Variants in NELL2 observed in about 807,000 individuals in gnomAD.
NELL2 encodes protein kinase C-binding protein NELL2.
A neutral mutation model predicts 109.6 loss-of-function variants in NELL2; 41 were observed. The ratio of observed to expected loss-of-function variants is 0.37; its 90% confidence interval spans 0.29 to 0.49. The LOEUF (loss-of-function observed/expected upper bound fraction) is 0.49, where lower values mean the gene tolerates loss of function less well. NELL2 is among the 20% of genes least tolerant of loss of function. NELL2 has a pLI of 0.98. For missense variants in NELL2, 900 were observed against 1,008.3 expected, an observed-to-expected ratio of 0.89 and a Z score of 1.45; for synonymous variants, 355 against 344.7, an observed-to-expected ratio of 1.03 and a Z score of -0.33.
At chr12:44,646,670 C>T (rs1947106651) in intron 13 of NELL2, among the ~76,000 whole-genome samples, 2 of 152,190 alleles carry the variant, frequency 1.3e-5, no homozygotes, top group South Asian at 4.1e-4. Context: ...CCATGGAAAG[C>T]GAAACTGTAG....
intron 14 of NELL2, among the ~76,000 whole-genome samples, chr12:44,610,316 T>C (rs1359013590): frequency 6.8e-6 from 1 of 147,788 alleles, no homozygotes; most frequent in Non-Finnish European, 1.5e-5. Context: ...GCATAACAAA[T>C]AGGTTGACAA....
At chr12:44,907,525 A>G (rs975021414) in intron 1 of NELL2, among the ~76,000 whole-genome samples, 3 of 152,080 alleles carry the variant, frequency 2.0e-5, no homozygotes, top group African/African-American at 7.2e-5. Flanking sequence ...GGCCAGAAAT[A>G]TTTCAGTTGA....
chr12:44,903,559 A>T (rs553551525), intron 1 of NELL2, among the ~76,000 whole-genome samples: 1 of 152,308 alleles, frequency 6.6e-6, no homozygotes, highest in South Asian at 2.1e-4. Flanking sequence ...AAGGATTATA[A>T]ATCATTCTAC....
rs904689687 is a variant in NELL2, at chr12:44,617,483, C to T, written c.1445-6513G>A. Among the ~76,000 whole-genome samples the T allele has an allele frequency of 3.6e-4, 51 of 140,716 alleles. 6 individuals carry two copies. Among genetic ancestry groups the T allele is most frequent in the Non-Finnish European group, 5.9e-4 (39 of 66,502 alleles). The allele number at this position is 140,716 out of a possible 152,430, so 92.3% of individuals were successfully genotyped here. ...CGGGCGGATCACGAGGTCAGGAGAT[C>T]GAGACCATCCTGGCTAAAACGGTGA... On this transcript the variant is annotated intron_variant, in intron 13 of 19. Coordinates refer to ENST00000429094, the MANE Select transcript of NELL2 (RefSeq NM_001145108.2).
At chr12:44,609,022 A>T (rs191328828) in intron 14 of NELL2, among the ~76,000 whole-genome samples, 1 of 151,956 alleles carries the variant, frequency 6.6e-6, no homozygotes, top group East Asian at 1.9e-4. Context: ...TAGGTCAATT[A>T]TGTTGCATTT....
rs1938389416 is a variant in NELL2, at chr12:44,714,656, C to T, written c.1080G>A (p.Glu360=). The T allele has an allele frequency of 1.9e-6, 3 of 1,585,400 alleles. No individual in the cohort carries two copies. Among genetic ancestry groups the T allele is most frequent in the African/African-American group, 1.4e-5 (1 of 73,488 alleles). ...YSSSGVCVLY[E]CKDQTMKLVE... is the part of the protein sequence containing the mutation. ...CCACGAATAGTCTTCTTACCTTGCA[C>T]TCATAGAGAACACATACTCCAGAAG... Residue 360 remains glutamate, a synonymous_variant, in exon 10 of 20, where the codon GAG becomes GAA. Coordinates refer to ENST00000429094, the MANE Select transcript of NELL2 (RefSeq NM_001145108.2).
intron 11 of NELL2, among the ~76,000 whole-genome samples, chr12:44,707,780 C>T (rs185911374): frequency 2.0e-5 from 3 of 152,154 alleles, no homozygotes; most frequent in African/African-American, 4.8e-5. Flanking sequence ...AAAAGTGAGT[C>T]GACTATAGTA....
At chr12:44,808,364 C>T (rs1318274266) in intron 3 of NELL2, among the ~76,000 whole-genome samples, 1 of 151,918 alleles carries the variant, frequency 6.6e-6, no homozygotes, top group Non-Finnish European at 1.5e-5. Context: ...GAGCACCTGA[C>T]CATGCCTACT....
chr12:44,801,271 A>T (rs1292861396), intron 3 of NELL2, among the ~76,000 whole-genome samples: 1 of 151,922 alleles, frequency 6.6e-6, no homozygotes, highest in African/African-American at 2.4e-5. Flanking sequence ...TCAGTAGGTC[A>T]TGTGATGCTG....
chr12:44,727,203 C>G (rs1242593699), intron 9 of NELL2, among the ~76,000 whole-genome samples: 11 of 152,088 alleles, frequency 7.2e-5, no homozygotes, highest in Admixed American at 7.2e-4. Flanking sequence ...TTGAAAATAT[C>G]TGTGTGGAAT....
At chr12:44,633,948 A>T (rs1430832770) in intron 13 of NELL2, among the ~76,000 whole-genome samples, 1 of 152,152 alleles carries the variant, frequency 6.6e-6, no homozygotes, top group African/African-American at 2.4e-5. Flanking sequence ...ATATATTCAG[A>T]CATAATAAAA....
chr12:44,720,453 C>T (rs1229253416), intron 9 of NELL2, among the ~76,000 whole-genome samples: 1 of 152,136 alleles, frequency 6.6e-6, no homozygotes, highest in East Asian at 1.9e-4. Flanking sequence ...CAGAAGGAGT[C>T]TGCCCTTTCT....
chr12:44,793,073 C>T (rs1404222351), intron 3 of NELL2, among the ~76,000 whole-genome samples: 4 of 152,068 alleles, frequency 2.6e-5, no homozygotes, highest in African/African-American at 9.7e-5. Flanking sequence ...CCATAGTGTA[C>T]TATTAAGTAA....
intron 1 of NELL2, among the ~76,000 whole-genome samples, chr12:44,886,097 A>C (rs1945468935): frequency 1.1e-5 from 1 of 89,742 alleles, no homozygotes; most frequent in Non-Finnish European, 2.2e-5. Context: ...GGAAGGAAGG[A>C]AGGAAGGAAG....
intron 3 of NELL2, 107 bp downstream of exon 3, chr12:44,815,879 A>G: frequency 7.7e-7 from 1 of 1,299,156 alleles, no homozygotes; most frequent in Non-Finnish European, 1.0e-6. Flanking sequence ...GGCTTCCCAA[A>G]TCATAAAGAG....
At chr12:44,913,762 A>C (rs1315553543) in intron 1 of NELL2, 3 of 773,740 alleles carry the variant, frequency 3.9e-6, no homozygotes, top group African/African-American at 3.6e-5. Flanking sequence ...TGGTGTTCAG[A>C]GTTACCTTAA....
chr12:44,904,324 A>G (rs1945696022), intron 1 of NELL2, among the ~76,000 whole-genome samples: 1 of 152,206 alleles, frequency 6.6e-6, no homozygotes, highest in South Asian at 2.1e-4. Context: ...TATTCTAAGA[A>G]TATGCTTTTC....
intron 15 of NELL2, among the ~76,000 whole-genome samples, chr12:44,556,329 T>C (rs1157289018): frequency 6.6e-6 from 1 of 152,088 alleles, no homozygotes; most frequent in Non-Finnish European, 1.5e-5. Context: ...TTTGAAATCT[T>C]AAGTGGGAAA....
At chr12:44,608,772 G>A (rs1343929079) in intron 14 of NELL2, among the ~76,000 whole-genome samples, 1 of 151,644 alleles carries the variant, frequency 6.6e-6, no homozygotes, top group Non-Finnish European at 1.5e-5. Flanking sequence ...GAACCTTCAG[G>A]TGATTTGGGG....
Sources: gnomAD v4.1 joint callset for allele counts (sites outside exome capture counted in the v4.1 genomes callset) on GRCh38, gnomAD v4.1.1 for gene constraint, MANE v1.5 for transcripts, NCBI Gene and HGNC (gene_info 2026-07-23, HGNC 2026-07-21) for gene names.